Variants in CFAP46 observed in about 807,000 individuals in gnomAD.
CFAP46 encodes the protein cilia- and flagella-associated protein 46.
A neutral mutation model predicts 325.7 loss-of-function variants in CFAP46; 245 were observed. The observed-to-expected ratio is 0.75, with a 90% CI of 0.68 to 0.84. CFAP46 has a LOEUF of 0.84. Among genes scored for constraint, CFAP46 ranks in the 40% least tolerant of loss-of-function variants. The pLI, the probability that CFAP46 is intolerant of heterozygous loss-of-function variation, is 0.00. For synonymous variants in CFAP46, 1,523 were observed against 1,495.9 expected, an observed-to-expected ratio of 1.02 and a Z score of -0.42; for missense variants, 3,346 against 3,543.0, an observed-to-expected ratio of 0.94 and a Z score of 1.41.
chr10:132,854,859 T>C (rs1408164931), intron 39 of CFAP46, among the ~76,000 whole-genome samples: 1 of 152,240 alleles, frequency 6.6e-6, no homozygotes. Flanking sequence ...TCTCTGTTTC[T>C]GATTTCTAAT....
chr10:132,923,067 G>A (rs1166611843), intron 11 of CFAP46, among the ~76,000 whole-genome samples: 1 of 152,238 alleles, frequency 6.6e-6, no homozygotes, highest in East Asian at 1.9e-4. Flanking sequence ...GGGGTGCAGG[G>A]CTGCGAAGGA....
At chr10:132,860,336 C>G in intron 37 of CFAP46, 81 bp downstream of exon 37, 2 of 1,060,246 alleles carry the variant, frequency 1.9e-6, no homozygotes, top group East Asian at 5.2e-5. Flanking sequence ...ATAGACTTGA[C>G]GTATGGCACA....
At chr10:132,821,665 G>A (rs560595780) in intron 50 of CFAP46, among the ~76,000 whole-genome samples, 11 of 142,562 alleles carry the variant, frequency 7.7e-5, no homozygotes, top group African/African-American at 2.7e-4. Context: ...TGTGTGCTGT[G>A]TGTGCTGTGT....
At chr10:132,909,406 G>A (rs886180314) in intron 20 of CFAP46, among the ~76,000 whole-genome samples, 162 bp from the exon 21 acceptor site, 4 of 152,246 alleles carry the variant, frequency 2.6e-5, no homozygotes, top group African/African-American at 9.6e-5. Flanking sequence ...TTGACCTGCA[G>A]GTCATCTTCT....
At position 132,924,808 on chromosome 10, in the gene CFAP46, C is replaced by A; in HGVS notation, c.1144G>T (p.Val382Leu). ...VRLGDPRVIH[V>L]VCATQWNTCL... ...GTGTTCCACTGCGTGGCGCACACCA[C>A]GTGGATGACCCGGGGGTCGCCCAGG... The change falls in exon 11 of 58, where the codon GTG (valine) becomes TTG (leucine). Residue 382 changes from valine to leucine, a missense_variant. Coordinates refer to ENST00000368586, the MANE Select transcript of CFAP46 (RefSeq NM_001200049.3). 1.3e-6 allele frequency: 2 copies of A among 1,489,668 alleles called. No individual in the cohort carries two copies. The highest frequency in any genetic ancestry group is 1.8e-6 in the Non-Finnish European group (2 of 1,117,174). The allele number at this position is 1,489,668 out of a possible 1,614,324, so 92.3% of individuals were successfully genotyped here.
At chr10:132,810,308 G>A (rs1171575660) in intron 57 of CFAP46, 101 bp downstream of exon 57, 20 of 973,174 alleles carry the variant, frequency 2.1e-5, no homozygotes, top group East Asian at 7.2e-5. Context: ...ACGGAGAAGC[G>A]GAGACACCTG....
Position 132,814,149 on chromosome 10 carries a change from A to G in CFAP46, c.7388+3T>C. On this transcript the variant is annotated splice_donor_region_variant and intron_variant, in intron 54 of 57. Coordinates refer to ENST00000368586, the MANE Select transcript of CFAP46 (RefSeq NM_001200049.3). ...AACGGCTCCTGGGAGCCCAGATCCGAACCTGGGAAAGTGCTTGCTTCCCAG... is the reference window on the plus strand; with the variant it reads ...AACGGCTCCTGGGAGCCCAGATCCGGACCTGGGAAAGTGCTTGCTTCCCAG... 1 of 1,612,752 alleles carries G rather than the reference A, an allele frequency of 6.2e-7. No individual in the cohort carries two copies. The highest frequency in any genetic ancestry group is 8.5e-7 in the Non-Finnish European group (1 of 1,179,108).
rs1359608533 is a variant in CFAP46 at position 132,827,146 on chromosome 10, T to C, written c.7117+6212A>G. Among the ~76,000 whole-genome samples, 1 of 151,936 alleles carries C rather than the reference T, an allele frequency of 6.6e-6. No individual in the cohort carries two copies. Among genetic ancestry groups the C allele is most frequent in the African/African-American group, 2.4e-5 (1 of 41,370 alleles). ...TCTCCACAGCCTGAGCCCCACCCAGTCCTGGGCCACTGAGCCACCCTCCTG... is the reference window on the plus strand; with the variant it reads ...TCTCCACAGCCTGAGCCCCACCCAGCCCTGGGCCACTGAGCCACCCTCCTG... On this transcript the variant is annotated intron_variant, in intron 50 of 57. Coordinates refer to ENST00000368586, the MANE Select transcript of CFAP46 (RefSeq NM_001200049.3). The surrounding 1 kb of genome is among the most constrained non-coding windows in gnomAD (Gnocchi z 5.7).
intron 44 of CFAP46, among the ~76,000 whole-genome samples, chr10:132,844,228 G>A (rs1848398080): frequency 2.0e-5 from 3 of 151,950 alleles, no homozygotes; most frequent in Admixed American, 6.5e-5. Context: ...AGGGTGCTGT[G>A]GGGCTCTCCT....
At chr10:132,838,488 C>A (rs1446536726) in intron 44 of CFAP46, among the ~76,000 whole-genome samples, 1 of 152,280 alleles carries the variant, frequency 6.6e-6, no homozygotes, top group African/African-American at 2.4e-5. Context: ...ACAAGGGGAC[C>A]ACAACAGATT....
intron 44 of CFAP46, among the ~76,000 whole-genome samples, chr10:132,839,678 AT>A (rs1322006208): frequency 6.6e-6 from 1 of 152,184 alleles, no homozygotes; most frequent in Admixed American, 6.5e-5. Flanking sequence ...GATTAAGGAC[AT>A]TTGCTTCTAT....
Position 132,908,206 on chromosome 10 carries a change from G to A in CFAP46, c.2924+262C>T, listed in dbSNP as rs1277305981. On this transcript the variant is annotated intron_variant, in intron 22 of 57. Coordinates refer to ENST00000368586, the MANE Select transcript of CFAP46 (RefSeq NM_001200049.3). The stretch of plus-strand genomic sequence containing the variant: ...GCTGAGGCCTGTGGGAAGCTTTCTG[G>A]ACTGGGCCTGGAGACCTGGTGGAGT... The A allele has an allele frequency of 3.0e-5, 15 of 507,502 alleles. 2 individuals are homozygous for A. In the Admixed American group the frequency reaches 3.1e-4, roughly 11 times the overall value. The allele number at this position is 507,502 out of a possible 1,614,324, so 31.4% of individuals were successfully genotyped here.
At chr10:132,823,540 T>G (rs1359582160) in intron 50 of CFAP46, among the ~76,000 whole-genome samples, 1 of 106,696 alleles carries the variant, frequency 9.4e-6, no homozygotes, top group Non-Finnish European at 2.0e-5. Flanking sequence ...GTGTGCGCTG[T>G]GTGCTGTGTG....
At chr10:132,821,500 TGCTGTGTGC>T (rs1174782459) in intron 50 of CFAP46, among the ~76,000 whole-genome samples, 1 of 145,866 alleles carries the variant, frequency 6.9e-6, no homozygotes, top group Non-Finnish European at 1.5e-5. Context: ...TGCTGATGTG[TGCTGTGTGC>T]GCTGTGTGCT....
chr10:132,936,912 C>T, intron 7 of CFAP46, 49 bp downstream of exon 7: 1 of 1,210,850 alleles, frequency 8.3e-7, no homozygotes, highest in Non-Finnish European at 1.2e-6. Context: ...TCTCCCAAGC[C>T]CAGCACTTGT....
chr10:132,909,205 C>G lies in CFAP46; in HGVS notation c.2689G>C (p.Val897Leu), dbSNP rs901535674. The change falls in exon 21 of 58, where the codon GTT (valine) becomes CTT (leucine). Residue 897 changes from valine to leucine, a missense_variant. By Grantham distance (32) the Val-to-Leu change is conservative. Coordinates refer to ENST00000368586, the MANE Select transcript of CFAP46 (RefSeq NM_001200049.3). Reference sequence around the variant, plus strand: ...TTGCATGAGTACATTTCCAAGGCAACGAGGACTCTGGTCACCGAGCTGACA... The same window carrying G: ...TTGCATGAGTACATTTCCAAGGCAAGGAGGACTCTGGTCACCGAGCTGACA... Reference protein sequence around the residue: ...EDVSSVTRVLVALEMYSCNGL... With the variant: ...EDVSSVTRVLLALEMYSCNGL... 47 of 1,550,336 alleles carry G rather than the reference C, an allele frequency of 3.0e-5. No individual in the cohort carries two copies. Among genetic ancestry groups the G allele is most frequent in the Non-Finnish European group, 3.9e-5 (45 of 1,146,946 alleles).
intron 22 of CFAP46, among the ~76,000 whole-genome samples, chr10:132,907,054 C>T (rs1374502920): frequency 2.0e-5 from 3 of 152,266 alleles, no homozygotes; most frequent in African/African-American, 7.2e-5. Flanking sequence ...CCTCGCATCC[C>T]CACGGGTGTG....
At chr10:132,813,857 G>A (rs992441733) in intron 54 of CFAP46, among the ~76,000 whole-genome samples, 1 of 152,228 alleles carries the variant, frequency 6.6e-6, no homozygotes, top group East Asian at 1.9e-4. Flanking sequence ...CAGAGTCTGC[G>A]AGTGGTCTCT....
Position 132,814,584 on chromosome 10 carries a change from C to T in CFAP46, c.7278G>A (p.Gln2426=), listed in dbSNP as rs1386789958. The T allele has an allele frequency of 1.9e-6, 3 of 1,565,812 alleles. No homozygotes were observed. The African/African-American group carries it at 4.0e-5, about 21-fold the overall frequency. Residue 2426 remains glutamine, a synonymous_variant, in exon 53 of 58, where the codon CAG becomes CAA. Transcript: ENST00000368586. The stretch of plus-strand genomic sequence containing the variant: ...GCCCTGTGCAGCACCCACCTGGGCC[C>T]TGGGCCTCCTCGTATGGGTCCACGA... ...KFVVDPYEEA[Q]GPEMLTPVSI...
Sources: gnomAD v4.1 joint callset for allele counts (sites outside exome capture counted in the v4.1 genomes callset) on GRCh38, gnomAD v4.1.1 for gene constraint, Gnocchi (gnomAD v3.1) non-coding constraint, MANE v1.5 for transcripts, NCBI Gene and HGNC (gene_info 2026-07-23, HGNC 2026-07-21) for gene names.